The following RNF11 variants were observed in gnomAD, a reference collection of about 807,000 sequenced individuals.
RNF11 encodes ring finger protein 11.
RNF11 carries 4 observed loss-of-function variants against 15.8 expected under a neutral mutation model. That is an observed-to-expected ratio of 0.25 (90% CI 0.12 to 0.58). RNF11 has a LOEUF of 0.58. RNF11 is among the 20% of genes least tolerant of loss of function. The probability of loss-of-function intolerance (pLI) is 0.91; values close to 1 mark genes in which losing one functional copy is unlikely to be tolerated. For synonymous variants in RNF11, 68 were observed against 72.3 expected, an observed-to-expected ratio of 0.94 and a Z score of 0.30; for missense variants, 139 against 194.4, an observed-to-expected ratio of 0.71 and a Z score of 1.70.
At position 51,236,731 on chromosome 1, in the gene RNF11, C is replaced by G. The variant is rs774991262; in HGVS notation, c.-26C>G. On this transcript the variant is annotated 5_prime_UTR_variant, in exon 1 of 3. Coordinates refer to ENST00000242719, the MANE Select transcript of RNF11 (RefSeq NM_014372.5). ...ACCCCACCGCTGCTTTCTCCTCCCC[C>G]AGATCACGCACCCCAGCTCCGGAAG... 1 of 1,609,044 alleles carries G rather than the reference C, an allele frequency of 6.2e-7. No homozygotes were observed. The highest frequency in any genetic ancestry group is 2.3e-5 in the East Asian group (1 of 44,346).
intron 1 of RNF11, chr1:51,250,777 T>C: frequency 2.1e-6 from 3 of 1,425,312 alleles, no homozygotes; most frequent in Non-Finnish European, 2.9e-6. Flanking sequence ...TTGGCGAAGT[T>C]GCCCAGGGTG....
At chr1:51,254,693 A>T (rs1384147800) in intron 1 of RNF11, among the ~76,000 whole-genome samples, 4 of 151,988 alleles carry the variant, frequency 2.6e-5, no homozygotes, top group Non-Finnish European at 5.9e-5. Context: ...GAACTCCCAG[A>T]CTCAAGTGAT....
intron 1 of RNF11, chr1:51,251,244 T>G (rs2148068410): frequency 7.6e-7 from 1 of 1,324,436 alleles, no homozygotes; most frequent in Admixed American, 1.7e-5. Flanking sequence ...ATAGATCTCC[T>G]CCAGGGACTT....
At chr1:51,252,062 G>A (rs1646880488) in intron 1 of RNF11, among the ~76,000 whole-genome samples, 1 of 116,884 alleles carries the variant, frequency 8.6e-6, no homozygotes, top group Admixed American at 1.1e-4. Context: ...GGGTGACAGA[G>A]CAAGACTCCA....
At position 51,272,843 on chromosome 1, in the gene RNF11, G is replaced by A. The variant is rs1569692347; in HGVS notation, c.*1521G>A. On this transcript the variant is annotated 3_prime_UTR_variant, in exon 3 of 3. Transcript: ENST00000242719. ...CAGTTTTCTACATACAAAACACAGT[G>A]TCATGAAGGTTATTCATAATTGCAT... is the stretch of plus-strand genomic sequence containing the variant. 6.6e-6 allele frequency: 1 copy of A among 152,110 alleles called. No homozygotes were observed. Among genetic ancestry groups the A allele is most frequent in the East Asian group, 1.9e-4 (1 of 5,196 alleles). 9.4% of individuals were successfully genotyped at this position (152,110 alleles called of 1,614,324 possible). A position where few individuals can be genotyped will look rare whatever the true frequency, so the allele number is the denominator to read the frequency against.
chr1:51,241,984 T>G (rs1222570389), intron 1 of RNF11, among the ~76,000 whole-genome samples: 1 of 152,252 alleles, frequency 6.6e-6, no homozygotes, highest in Non-Finnish European at 1.5e-5. Context: ...TTACATTTTC[T>G]AATCTGAATA....
In RNF11 at chr1:51,236,774, A is replaced by C; in HGVS notation, c.18A>C (p.Lys6Asn). The change falls in exon 1 of 3, where the codon AAA becomes AAC. Residue 6 changes from lysine to asparagine, a missense_variant. Transcript: ENST00000242719. Reference protein sequence around the residue: MGNCLKSPTSDDISLL... With the variant: MGNCLNSPTSDDISLL... ...TCCGGAAGATGGGGAACTGCCTCAA[A>C]TCCCCCACCTCGGATGACATCTCCC... 1 of 1,612,652 alleles carries C rather than the reference A, an allele frequency of 6.2e-7. No homozygotes were observed. Among genetic ancestry groups the C allele is most frequent in the Non-Finnish European group, 8.5e-7 (1 of 1,179,376 alleles).
chr1:51,237,029 C>A, intron 1 of RNF11, 150 bp downstream of exon 1: 1 of 1,086,610 alleles, frequency 9.2e-7, no homozygotes, highest in Non-Finnish European at 1.3e-6. Flanking sequence ...CATTTGCTCT[C>A]TGATCTCAGA....
intron 1 of RNF11, among the ~76,000 whole-genome samples, chr1:51,246,685 C>T (rs1646853042): frequency 6.6e-6 from 1 of 152,086 alleles, no homozygotes; most frequent in Non-Finnish European, 1.5e-5. Flanking sequence ...AGTGAGACTC[C>T]CATTTCTACA....
At chr1:51,252,895 T>C (rs962895075) in intron 1 of RNF11, among the ~76,000 whole-genome samples, 6 of 151,052 alleles carry the variant, frequency 4.0e-5, no homozygotes, top group Non-Finnish European at 7.4e-5. Flanking sequence ...GGCGCGATCT[T>C]GGCTCACTGC....
At chr1:51,237,022 T>C (rs1646806795) in intron 1 of RNF11, 143 bp downstream of exon 1, 14 of 1,108,426 alleles carry the variant, frequency 1.3e-5, no homozygotes, top group Non-Finnish European at 1.4e-5. Flanking sequence ...CTGAGGGCAT[T>C]TGCTCTCTGA....
At chr1:51,258,328 A>G (rs1489486014) in intron 1 of RNF11, among the ~76,000 whole-genome samples, 1 of 152,184 alleles carries the variant, frequency 6.6e-6, no homozygotes, top group Non-Finnish European at 1.5e-5. Context: ...AAAGATGCAG[A>G]AATAGGTTGG....
In RNF11 at chr1:51,271,869, G is replaced by A. The variant is rs56890493; in HGVS notation, c.*547G>A. The A allele has an allele frequency of 4.1e-4, 63 of 152,900 alleles. No homozygotes were observed. Among genetic ancestry groups the A allele is most frequent in the African/African-American group, 1.5e-3 (63 of 41,560 alleles). 9.5% of individuals were successfully genotyped at this position (152,900 alleles called of 1,614,324 possible). A position where few individuals can be genotyped will look rare whatever the true frequency, so the allele number is the denominator to read the frequency against. On this transcript the variant is annotated 3_prime_UTR_variant, in exon 3 of 3. Transcript: ENST00000242719. ...TCATTGCCTTAGGTCTTTTTAAATA[G>A]TGTATTATTATCGTTGGGGCTGGCT...
intron 1 of RNF11, among the ~76,000 whole-genome samples, chr1:51,254,439 C>T (rs769425900): frequency 6.6e-6 from 1 of 151,978 alleles, no homozygotes; most frequent in Non-Finnish European, 1.5e-5. Flanking sequence ...TGTATGCCAC[C>T]ATGCTTGGCT....
Position 51,236,894 on chromosome 1 carries a change from G to C in RNF11, c.123+15G>C. ...CGCCATATCAGGTAGGGGAGGGTGTGTGTTGGGGGGAGCGAGTAGAGGCAG... is the reference window on the plus strand; with the variant it reads ...CGCCATATCAGGTAGGGGAGGGTGTCTGTTGGGGGGAGCGAGTAGAGGCAG... On this transcript the variant is annotated intron_variant, in intron 1 of 2. Coordinates refer to ENST00000242719, the MANE Select transcript of RNF11 (RefSeq NM_014372.5). The C allele has an allele frequency of 6.2e-7, 1 of 1,602,088 alleles. No homozygotes were observed. Among genetic ancestry groups the C allele is most frequent in the Non-Finnish European group, 8.5e-7 (1 of 1,173,888 alleles).
chr1:51,269,787 A>T, intron 1 of RNF11, 169 bp from the exon 2 acceptor site: 1 of 622,822 alleles, frequency 1.6e-6, no homozygotes, highest in Non-Finnish European at 2.9e-6. Flanking sequence ...TGTATGTTTT[A>T]TTCTAGTAGC....
intron 1 of RNF11, among the ~76,000 whole-genome samples, chr1:51,237,424 G>GTGTATATATATA (rs1646809424): frequency 7.4e-6 from 1 of 135,898 alleles, no homozygotes; most frequent in African/African-American, 3.0e-5. Context: ...GTGTGTGTGT[G>GTGTATATATATA]TATATATATA....
chr1:51,263,640 C>T (rs1557682112), intron 1 of RNF11, among the ~76,000 whole-genome samples: 3 of 152,064 alleles, frequency 2.0e-5, no homozygotes, highest in South Asian at 2.1e-4. Context: ...TGGTCTGGAA[C>T]GAAACCCACA....
intron 1 of RNF11, among the ~76,000 whole-genome samples, chr1:51,259,308 G>A (rs1013085037): frequency 3.9e-5 from 6 of 152,158 alleles, no homozygotes; most frequent in African/African-American, 1.4e-4. Flanking sequence ...CACTAAGCAA[G>A]CCCCTTTTCC....
Sources: gnomAD v4.1 joint callset for allele counts (sites outside exome capture counted in the v4.1 genomes callset) on GRCh38, gnomAD v4.1.1 for gene constraint, MANE v1.5 for transcripts, NCBI Gene and HGNC (gene_info 2026-07-23, HGNC 2026-07-21) for gene names.